Variants in FAM171A1 observed in about 807,000 individuals in gnomAD.
The protein encoded by FAM171A1 is protein FAM171A1.
Under a neutral mutation model 74.9 loss-of-function variants are expected in FAM171A1, and 23 were observed. The observed-to-expected ratio is 0.31, with a 90% confidence interval of 0.22 to 0.44. The LOEUF (loss-of-function observed/expected upper bound fraction) is 0.44, where lower values mean the gene tolerates loss of function less well. FAM171A1 is among the 20% of genes least tolerant of loss of function. The pLI is 1.00. For synonymous variants in FAM171A1, 527 were observed against 505.7 expected (o/e 1.04, Z -0.57); for missense variants, 1,162 against 1,159.2 (o/e 1.00, Z -0.03).
At chr10:15,238,284 G>T (rs1834320578) in intron 5 of FAM171A1, among the ~76,000 whole-genome samples, 1 of 152,112 alleles carries the variant, frequency 6.6e-6, no homozygotes, top group Non-Finnish European at 1.5e-5. Flanking sequence ...TTTTTAAAGA[G>T]CAGATTTAGG....
intron 1 of FAM171A1, among the ~76,000 whole-genome samples, chr10:15,349,575 A>G (rs1835855036): frequency 1.3e-5 from 2 of 152,192 alleles, no homozygotes; most frequent in Admixed American, 1.3e-4. Context: ...GAGGACCACT[A>G]AAGGGCTTTT....
At chr10:15,255,479 G>A (rs550992657) in intron 3 of FAM171A1, among the ~76,000 whole-genome samples, 1 of 152,196 alleles carries the variant, frequency 6.6e-6, no homozygotes, top group South Asian at 2.1e-4. Context: ...TACTTGTGAT[G>A]GATTATGTCA....
chr10:15,313,075 C>T (rs755952847), intron 1 of FAM171A1, among the ~76,000 whole-genome samples: 7 of 152,156 alleles, frequency 4.6e-5, no homozygotes, highest in Non-Finnish European at 1.0e-4. Flanking sequence ...CTGGCCTGGG[C>T]TCTGCATCTC....
intron 3 of FAM171A1, among the ~76,000 whole-genome samples, chr10:15,266,860 C>T (rs1194235744): frequency 6.3e-5 from 8 of 127,870 alleles, no homozygotes; most frequent in Non-Finnish European, 9.5e-5. Context: ...CAGAGTGAGA[C>T]TGTTTCAAAA....
chr10:15,348,747 C>T (rs922794970), intron 1 of FAM171A1, among the ~76,000 whole-genome samples: 1 of 152,184 alleles, frequency 6.6e-6, no homozygotes, highest in African/African-American at 2.4e-5. Flanking sequence ...CAGCTGATTC[C>T]CATCCATGCT....
chr10:15,231,293 C>A (rs1185254534), intron 5 of FAM171A1, among the ~76,000 whole-genome samples: 1 of 152,054 alleles, frequency 6.6e-6, no homozygotes, highest in Non-Finnish European at 1.5e-5. Flanking sequence ...CAGCTTCGAC[C>A]TCCTGGCTCA....
At chr10:15,287,319 C>G (rs1419926514) in intron 1 of FAM171A1, among the ~76,000 whole-genome samples, 2 of 151,530 alleles carry the variant, frequency 1.3e-5, no homozygotes, top group African/African-American at 2.4e-5. Flanking sequence ...GTCTCCATCT[C>G]CTGACCACGT....
chr10:15,227,023 A>C (rs949069841), intron 5 of FAM171A1, among the ~76,000 whole-genome samples: 18 of 152,190 alleles, frequency 1.2e-4, no homozygotes, highest in Non-Finnish European at 5.9e-5. Flanking sequence ...CTTTTTAGAC[A>C]GAGTCTCATT....
chr10:15,266,980 G>A (rs1337336926), intron 3 of FAM171A1, among the ~76,000 whole-genome samples: 2 of 152,174 alleles, frequency 1.3e-5, no homozygotes, highest in Admixed American at 1.3e-4. Flanking sequence ...AGCCAGGAAG[G>A]GACAGAAAGA....
At chr10:15,281,766 CAGG>C (rs1834973319) in intron 2 of FAM171A1, among the ~76,000 whole-genome samples, 1 of 152,136 alleles carries the variant, frequency 6.6e-6, no homozygotes. Flanking sequence ...GAGGCTGAAG[CAGG>C]AGAATTGCTT....
At chr10:15,243,413 G>T (rs1299111222) in intron 5 of FAM171A1, among the ~76,000 whole-genome samples, 1 of 152,132 alleles carries the variant, frequency 6.6e-6, no homozygotes, top group Non-Finnish European at 1.5e-5. Flanking sequence ...AGGATGCAGA[G>T]ATAGTTCCAT....
chr10:15,231,105 A>C, intron 5 of FAM171A1, among the ~76,000 whole-genome samples: 1 of 152,230 alleles, frequency 6.6e-6, no homozygotes, highest in Non-Finnish European at 1.5e-5. Flanking sequence ...ATCTGGAGAC[A>C]TGTGGTAGGA....
intron 1 of FAM171A1, among the ~76,000 whole-genome samples, chr10:15,286,828 C>T (rs1446117849): frequency 2.0e-5 from 3 of 152,112 alleles, no homozygotes; most frequent in African/African-American, 4.8e-5. Flanking sequence ...GAATCCTAGA[C>T]CTAGCTAAAT....
intron 1 of FAM171A1, among the ~76,000 whole-genome samples, chr10:15,346,150 G>A (rs749755209): frequency 6.6e-6 from 1 of 152,176 alleles, no homozygotes; most frequent in Non-Finnish European, 1.5e-5. Flanking sequence ...ACCTAGGCTG[G>A]AATGCAGTGA....
At position 15,221,023 on chromosome 10, in the gene FAM171A1, C is replaced by T. The variant is rs746687327; in HGVS notation, c.792G>A (p.Gln264=). 42 of 1,614,080 alleles carry T rather than the reference C, an allele frequency of 2.6e-5. No homozygotes were observed. The highest frequency in any genetic ancestry group is 3.4e-5 in the Non-Finnish European group (40 of 1,180,038). Reference sequence around the variant, plus strand: ...ATGTCCACGTCAGCTGGCTGCCTTCCTGGTGCACAAGACCCAGACCGCTCT... The same window carrying T: ...ATGTCCACGTCAGCTGGCTGCCTTCTTGGTGCACAAGACCCAGACCGCTCT... ...WLKSGLGLVH[Q]EGSQLTWTYI... The change falls in exon 6 of 8, where the codon CAG becomes CAA. Residue 264 remains glutamine, a synonymous_variant. Transcript: ENST00000378116.
intron 3 of FAM171A1, among the ~76,000 whole-genome samples, chr10:15,262,180 G>T (rs569587638): frequency 3.9e-5 from 6 of 152,152 alleles, no homozygotes; most frequent in Non-Finnish European, 7.3e-5. Flanking sequence ...GGGAGTTACC[G>T]GTAGGGAAGT....
intron 1 of FAM171A1, among the ~76,000 whole-genome samples, chr10:15,357,884 T>C (rs776728800): frequency 6.6e-6 from 1 of 152,190 alleles, no homozygotes; most frequent in Non-Finnish European, 1.5e-5. Flanking sequence ...TGAGATAAAC[T>C]GGAAAAATAA....
Position 15,213,245 on chromosome 10 carries a change from G to T in FAM171A1, c.2343C>A (p.Asp781Glu), listed in dbSNP as rs568345785. The T allele has an allele frequency of 6.2e-7, 1 of 1,614,140 alleles. No individual in the cohort carries two copies. The highest frequency in any genetic ancestry group is 8.5e-7 in the Non-Finnish European group (1 of 1,180,044). ...ACACGAGCTGCGTGTAGGCCGTGCT[G>T]TCTGGGGCTCGAGGCTCTTTCTGCT... ...EHQQKEPRAP[D>E]STAYTQLVYL... Residue 781 changes from aspartate to glutamate, a missense_variant, in exon 8 of 8, where the codon GAC becomes GAA. Asp to Glu is a conservative substitution (Grantham distance 45). Coordinates refer to ENST00000378116, the MANE Select transcript of FAM171A1 (RefSeq NM_001010924.2). This position sits in a 1 kb window ranked among gnomAD's most constrained non-coding sequence, Gnocchi z 6.8.
intron 1 of FAM171A1, among the ~76,000 whole-genome samples, chr10:15,301,211 C>T (rs1000109341): frequency 5.3e-5 from 8 of 152,204 alleles, no homozygotes; most frequent in African/African-American, 1.7e-4. Context: ...CTGGCTCTAT[C>T]GCCCAGGCTG....
Sources: allele counts gnomAD v4.1 joint callset (sites outside exome capture counted in the v4.1 genomes callset), GRCh38; gene constraint gnomAD v4.1.1; non-coding constraint Gnocchi (gnomAD v3.1); transcripts MANE v1.5; gene names NCBI Gene and HGNC (gene_info 2026-07-23, HGNC 2026-07-21).